TTC7B: variants seen among roughly 807,000 people sequenced by gnomAD.
TTC7B encodes the protein tetratricopeptide repeat domain 7B.
In TTC7B, 28 loss-of-function variants were observed where a neutral mutation model predicts 106.8. The observed-to-expected ratio is 0.26, with a 90% confidence interval of 0.19 to 0.36. The LOEUF is 0.36. TTC7B is among the 10% of genes least tolerant of loss of function. The pLI is 1.00. For synonymous variants in TTC7B, 405 were observed against 430.6 expected, an observed-to-expected ratio of 0.94 and a Z score of 0.74; for missense variants, 862 against 1,076.4, an observed-to-expected ratio of 0.80 and a Z score of 2.79.
chr14:90,674,455 A>G (rs984514476), intron 9 of TTC7B, among the ~76,000 whole-genome samples: 18 of 152,228 alleles, frequency 1.2e-4, no homozygotes, highest in African/African-American at 1.7e-4. Context: ...AGGCACAGGC[A>G]AGGCTGAAGC....
In TTC7B at chr14:90,807,782, T is replaced by C. The variant is rs73334503; in HGVS notation, c.121+8393A>G. Reference sequence around the variant, plus strand: ...CCCTCAGCCAAGATGTCTGGTAATCTATAAACTACACTTAGTTTAGTATTT... The same window carrying C: ...CCCTCAGCCAAGATGTCTGGTAATCCATAAACTACACTTAGTTTAGTATTT... On this transcript the variant is annotated intron_variant, in intron 1 of 19. Coordinates refer to ENST00000328459, the MANE Select transcript of TTC7B (RefSeq NM_001010854.2). The surrounding 1 kb of genome is among the most constrained non-coding windows in gnomAD (Gnocchi z 4.1). Among the ~76,000 whole-genome samples the C allele has an allele frequency of 0.048, 7,299 of 152,258 alleles. 303 individuals are homozygous for C. Among genetic ancestry groups the C allele is most frequent in the African/African-American group, 0.11 (4,532 of 41,538 alleles).
Position 90,815,951 on chromosome 14 carries a change from G to C in TTC7B, c.121+224C>G, listed in dbSNP as rs561020541. On this transcript the variant is annotated intron_variant, in intron 1 of 19. Coordinates refer to ENST00000328459, the MANE Select transcript of TTC7B (RefSeq NM_001010854.2). ...CCCGCCCTGCACGCTTGAACCCCAG[G>C]CGCCGGGACAGCCCCTGGCGCCCCC... is the stretch of plus-strand genomic sequence containing the variant. 2.4e-4 allele frequency among the ~76,000 whole-genome samples: 36 copies of C among 151,654 alleles called. No individual in the cohort carries two copies. The South Asian group carries it at 7.1e-3, about 30-fold the overall frequency.
chr14:90,614,245 G>A (rs1404716004), intron 16 of TTC7B, among the ~76,000 whole-genome samples: 1 of 152,150 alleles, frequency 6.6e-6, no homozygotes, highest in Non-Finnish European at 1.5e-5. Context: ...ATGGGTATGA[G>A]ATCACACGAC....
At chr14:90,798,899 A>G (rs1339336797) in intron 1 of TTC7B, among the ~76,000 whole-genome samples, 2 of 152,010 alleles carry the variant, frequency 1.3e-5, no homozygotes, top group Non-Finnish European at 2.9e-5. Flanking sequence ...GATTTTTACT[A>G]CCATGTACAT....
intron 6 of TTC7B, among the ~76,000 whole-genome samples, chr14:90,694,584 A>ATATATGTCACATATATTATAAATATATG (rs1887603541): frequency 8.6e-6 from 1 of 116,350 alleles, no homozygotes; most frequent in Non-Finnish European, 1.9e-5. Context: ...TGTATAATAC[A>ATATATGTCACATATATTATAAATATATG]TATATGTCAC....
chr14:90,703,973 T>C (rs1888104365), intron 5 of TTC7B, among the ~76,000 whole-genome samples: 1 of 152,028 alleles, frequency 6.6e-6, no homozygotes, highest in Non-Finnish European at 1.5e-5. Flanking sequence ...GGACTGGAAG[T>C]GAGCATGGAA....
chr14:90,654,973 G>A lies in TTC7B; in HGVS notation c.1459+20C>T. 1 of 1,554,850 alleles carries A rather than the reference G, an allele frequency of 6.4e-7. No homozygotes were observed. The highest frequency in any genetic ancestry group is 1.7e-5 in the Admixed American group (1 of 59,960). On this transcript the variant is annotated intron_variant, in intron 12 of 19. Coordinates refer to ENST00000328459, the MANE Select transcript of TTC7B (RefSeq NM_001010854.2). ...TCCAGCCCTGCAGCTCAGCAGCTGT[G>A]GGGGTGGGACGTCTCTCACCGTCAG...
At chr14:90,732,384 C>G (rs1379445927) in intron 4 of TTC7B, among the ~76,000 whole-genome samples, 1 of 152,148 alleles carries the variant, frequency 6.6e-6, no homozygotes, top group African/African-American at 2.4e-5. Context: ...CTATTTCCCT[C>G]ACTCTCTATA....
chr14:90,762,650 A>G (rs1399118277), intron 3 of TTC7B, among the ~76,000 whole-genome samples: 2 of 152,230 alleles, frequency 1.3e-5, no homozygotes, highest in African/African-American at 4.8e-5. Context: ...TATGACATGT[A>G]TCGGGTTTGC....
chr14:90,561,342 G>A (rs928812397), intron 19 of TTC7B, among the ~76,000 whole-genome samples: 7 of 151,888 alleles, frequency 4.6e-5, no homozygotes, highest in Admixed American at 1.3e-4. Context: ...ATGTGTGCAC[G>A]TGTGTGTGCA....
At chr14:90,748,491 C>A (rs145208452) in intron 3 of TTC7B, among the ~76,000 whole-genome samples, 62 of 151,966 alleles carry the variant, frequency 4.1e-4, no homozygotes, top group African/African-American at 1.4e-3. Context: ...CCACACATGG[C>A]TAATTTTTTT....
intron 7 of TTC7B, among the ~76,000 whole-genome samples, chr14:90,688,575 A>C (rs1205607309): frequency 7.0e-6 from 1 of 142,678 alleles, no homozygotes; most frequent in Non-Finnish European, 1.5e-5. Flanking sequence ...GTGAGCCAAC[A>C]TCACGCCACT....
At chr14:90,677,733 C>A in intron 8 of TTC7B, 1 of 434,314 alleles carries the variant, frequency 2.3e-6, no homozygotes, top group Non-Finnish European at 4.6e-6. Context: ...GCCACACACA[C>A]ACCTTCCCTC....
intron 1 of TTC7B, among the ~76,000 whole-genome samples, chr14:90,788,184 C>T (rs1184735742): frequency 6.6e-6 from 1 of 152,064 alleles, no homozygotes; most frequent in African/African-American, 2.4e-5. Flanking sequence ...GGAAATCAGG[C>T]AAGGCCACAG....
intron 15 of TTC7B, among the ~76,000 whole-genome samples, chr14:90,622,513 G>T (rs940419991): frequency 4.6e-5 from 7 of 151,296 alleles, no homozygotes; most frequent in Non-Finnish European, 2.9e-5. Flanking sequence ...TAGATCGCTT[G>T]AGCTCACAAG....
At chr14:90,777,272 A>G (rs2140032265) in intron 3 of TTC7B, among the ~76,000 whole-genome samples, 1 of 152,140 alleles carries the variant, frequency 6.6e-6, no homozygotes, top group African/African-American at 2.4e-5. Context: ...AGAGTGAATG[A>G]GATACTGGGA....
intron 3 of TTC7B, among the ~76,000 whole-genome samples, chr14:90,764,329 T>C (rs1890602828): frequency 6.6e-6 from 1 of 152,012 alleles, no homozygotes; most frequent in South Asian, 2.1e-4. Context: ...ATCAGACACC[T>C]AAATTTAAGA....
intron 3 of TTC7B, among the ~76,000 whole-genome samples, chr14:90,746,189 C>T (rs978932786): frequency 1.3e-5 from 2 of 152,186 alleles, no homozygotes; most frequent in Non-Finnish European, 2.9e-5. Flanking sequence ...TGATAGAATT[C>T]ACCAGTAAAG....
chr14:90,667,549 ATGG>A (rs1217171956), intron 9 of TTC7B, among the ~76,000 whole-genome samples: 2 of 152,208 alleles, frequency 1.3e-5, no homozygotes, highest in Non-Finnish European at 2.9e-5. Context: ...CTTCTCATGC[ATGG>A]ATCTATATTA....
Sources: gnomAD v4.1 joint callset for allele counts (sites outside exome capture counted in the v4.1 genomes callset) on GRCh38, gnomAD v4.1.1 for gene constraint, Gnocchi (gnomAD v3.1) non-coding constraint, MANE v1.5 for transcripts, NCBI Gene and HGNC (gene_info 2026-07-23, HGNC 2026-07-21) for gene names.